The following BEND7 variants were observed in gnomAD, a reference collection of about 807,000 sequenced individuals.
BEND7 encodes the protein BEN domain-containing protein 7.
In BEND7, 28 loss-of-function variants were observed where a neutral mutation model predicts 50.9. That is an observed-to-expected ratio of 0.55 (90% CI 0.41 to 0.75). The LOEUF is 0.75. Among genes scored for constraint, BEND7 ranks in the 30% least tolerant of loss-of-function variants. The pLI is 0.00. For synonymous variants in BEND7, 170 were observed against 183.9 expected (o/e 0.92, Z 0.61); for missense variants, 477 against 491.3 (o/e 0.97, Z 0.28).
intron 2 of BEND7, among the ~76,000 whole-genome samples, chr10:13,525,041 G>A (rs1245750158): frequency 6.6e-6 from 1 of 152,184 alleles, no homozygotes; most frequent in Non-Finnish European, 1.5e-5. Context: ...CAGCAGTCCT[G>A]CTACCTGAAG....
At chr10:13,503,675 G>A (rs1223523214) in intron 2 of BEND7, among the ~76,000 whole-genome samples, 1 of 152,214 alleles carries the variant, frequency 6.6e-6, no homozygotes, top group Non-Finnish European at 1.5e-5. Flanking sequence ...TTGTGCCACT[G>A]CACTCCAGCC....
At chr10:13,449,268 C>T (rs1186438347) in intron 7 of BEND7, among the ~76,000 whole-genome samples, 3 of 152,130 alleles carry the variant, frequency 2.0e-5, no homozygotes, top group Non-Finnish European at 4.4e-5. Flanking sequence ...GACAGATGGT[C>T]TTCATGGTAG....
intron 2 of BEND7, among the ~76,000 whole-genome samples, chr10:13,503,528 C>CA: frequency 6.6e-6 from 1 of 152,184 alleles, no homozygotes; most frequent in Non-Finnish European, 1.5e-5. Flanking sequence ...GCCTGGCCAA[C>CA]ATGGTGAAAG....
chr10:13,512,174 C>T (rs1197702459), intron 2 of BEND7, among the ~76,000 whole-genome samples: 1 of 152,168 alleles, frequency 6.6e-6, no homozygotes, highest in East Asian at 1.9e-4. Context: ...AGGAGGATCA[C>T]TTGAGCCCAG....
intron 6 of BEND7, among the ~76,000 whole-genome samples, chr10:13,469,752 G>A (rs930070170): frequency 2.0e-5 from 3 of 152,208 alleles, no homozygotes; most frequent in Non-Finnish European, 4.4e-5. Flanking sequence ...TGGGATTACA[G>A]GCATGAGCCA....
intron 5 of BEND7, among the ~76,000 whole-genome samples, chr10:13,485,300 TGTG>T (rs2076144842): frequency 6.6e-6 from 1 of 152,212 alleles, no homozygotes; most frequent in Admixed American, 6.5e-5. Flanking sequence ...AAAAGCTACA[TGTG>T]GTCACTGGTT....
rs552554680 is a variant in BEND7, at chr10:13,505,499, G to T, written c.146-5419C>A. ...GCCAGGCCACATGGGGCAGACACCC[G>T]CTCTGGCCTGCGTGTGTGTGGCCTC... On this transcript the variant is annotated intron_variant, in intron 2 of 8. Coordinates refer to ENST00000466271, the MANE Select transcript of BEND7 (RefSeq NM_001369863.1). 2.4e-4 allele frequency among the ~76,000 whole-genome samples: 36 copies of T among 152,316 alleles called. 1 individual carries two copies. In the South Asian group the frequency reaches 7.5e-3, roughly 32 times the overall value.
chr10:13,474,402 G>T (rs2075242221), intron 6 of BEND7, among the ~76,000 whole-genome samples: 1 of 151,362 alleles, frequency 6.6e-6, no homozygotes, highest in Non-Finnish European at 1.5e-5. Context: ...ACTCGGGGCT[G>T]ATATCTGTCA....
intron 5 of BEND7, among the ~76,000 whole-genome samples, chr10:13,490,319 G>A (rs925421759): frequency 1.3e-5 from 2 of 152,210 alleles, no homozygotes; most frequent in African/African-American, 4.8e-5. Flanking sequence ...TAGCAAACGT[G>A]TTGAGGATAT....
At chr10:13,461,535 C>T (rs1265926736) in intron 6 of BEND7, among the ~76,000 whole-genome samples, 2 of 152,184 alleles carry the variant, frequency 1.3e-5, no homozygotes, top group African/African-American at 4.8e-5. Flanking sequence ...GAGTTTGAGA[C>T]CATCCTGGCC....
intron 6 of BEND7, among the ~76,000 whole-genome samples, chr10:13,461,211 C>A (rs1322382019): frequency 6.6e-6 from 1 of 152,200 alleles, no homozygotes; most frequent in East Asian, 1.9e-4. Flanking sequence ...TCCAAAGGCA[C>A]AGCCTGCGAC....
In BEND7 at chr10:13,520,414, G is replaced by A. The variant is rs145158827; in HGVS notation, c.145+5724C>T. Among the ~76,000 whole-genome samples, 1,071 of 151,946 alleles carry A rather than the reference G, an allele frequency of 7.0e-3. 14 individuals are homozygous for A. Among genetic ancestry groups the A allele is most frequent in the African/African-American group, 0.024 (1,003 of 41,410 alleles). On this transcript the variant is annotated intron_variant, in intron 2 of 8. Coordinates refer to ENST00000466271, the MANE Select transcript of BEND7 (RefSeq NM_001369863.1). ...GAAGCCGGTTGGCTCAAGGGAAGGC[G>A]GTTACATGAAAGCTGTGGACAGGGA...
chr10:13,529,166 C>T (rs1325982555), upstream of BEND7, among the ~76,000 whole-genome samples: 2 of 144,724 alleles, frequency 1.4e-5, no homozygotes, highest in East Asian at 2.1e-4. Context: ...GCGCGGCGCC[C>T]CGAGGAGGCG....
intron 2 of BEND7, among the ~76,000 whole-genome samples, chr10:13,511,746 C>T (rs938628234): frequency 6.6e-6 from 1 of 152,182 alleles, no homozygotes; most frequent in Non-Finnish European, 1.5e-5. Flanking sequence ...CTCTGGTAAG[C>T]ACCCTGCCTA....
intron 6 of BEND7, among the ~76,000 whole-genome samples, chr10:13,459,351 G>A (rs75122437): frequency 4.8e-4 from 73 of 152,310 alleles, no homozygotes; most frequent in African/African-American, 1.7e-3. Context: ...TGAACTCTGA[G>A]ATCTGATGAC....
At chr10:13,439,551 C>T, downstream of BEND7, 1 of 1,511,160 alleles carries the variant, frequency 6.6e-7, no homozygotes, top group South Asian at 1.3e-5. Context: ...ACTCACCTGT[C>T]TCCTCCAAAT....
chr10:13,516,059 C>T (rs1032188193), intron 2 of BEND7, among the ~76,000 whole-genome samples: 4 of 152,194 alleles, frequency 2.6e-5, no homozygotes, highest in Non-Finnish European at 5.9e-5. Flanking sequence ...GGCACATTAC[C>T]TTTTAACATG....
At position 13,441,162 on chromosome 10, in the gene BEND7, A is replaced by C. The variant is rs1310776466; in HGVS notation, c.*581T>G. ...TCTTGGGAATTGATACCACAACACA[A>C]TGTTATACACCATTTTCACAACCAG... On this transcript the variant is annotated 3_prime_UTR_variant, in exon 9 of 9. Coordinates refer to ENST00000466271, the MANE Select transcript of BEND7 (RefSeq NM_001369863.1). The C allele has an allele frequency of 1.0e-6, 1 of 982,582 alleles. No homozygotes were observed. Among genetic ancestry groups the C allele is most frequent in the Non-Finnish European group, 1.2e-6 (1 of 827,482 alleles). 60.9% of individuals were successfully genotyped at this position (982,582 alleles called of 1,614,324 possible).
At chr10:13,458,483 T>TTTTC (rs1163867824) in intron 6 of BEND7, among the ~76,000 whole-genome samples, 1 of 152,242 alleles carries the variant, frequency 6.6e-6, no homozygotes, top group Admixed American at 6.5e-5. Context: ...GCAGACACTT[T>TTTTC]AAGAAGCAGG....
Sources: gnomAD v4.1 joint callset for allele counts (sites outside exome capture counted in the v4.1 genomes callset) on GRCh38, gnomAD v4.1.1 for gene constraint, MANE v1.5 for transcripts, NCBI Gene and HGNC (gene_info 2026-07-23, HGNC 2026-07-21) for gene names.